Variants in AXL observed in about 807,000 individuals in gnomAD.
AXL encodes the protein tyrosine-protein kinase receptor UFO.
Under a neutral mutation model 104.5 loss-of-function variants are expected in AXL, and 52 were observed. The observed-to-expected ratio is 0.50, with a 90% CI of 0.40 to 0.63. The LOEUF (loss-of-function observed/expected upper bound fraction) is 0.63. Among genes scored for constraint, AXL ranks in the 20% least tolerant of loss-of-function variants. AXL has a pLI of 0.00. For missense variants in AXL, 1,024 were observed against 1,188.5 expected, an observed-to-expected ratio of 0.86 and a Z score of 2.04; for synonymous variants, 455 against 473.7, an observed-to-expected ratio of 0.96 and a Z score of 0.51.
intron 4 of AXL, among the ~76,000 whole-genome samples, chr19:41,226,261 G>A (rs2033878995): frequency 6.6e-6 from 1 of 152,160 alleles, no homozygotes; most frequent in African/African-American, 2.4e-5. Context: ...TCCAGCCCCA[G>A]GGCTTCTCCG....
At chr19:41,223,208 T>A (rs2033824049) in intron 4 of AXL, among the ~76,000 whole-genome samples, 2 of 151,672 alleles carry the variant, frequency 1.3e-5, no homozygotes, top group Admixed American at 6.6e-5. Flanking sequence ...GGCAGGAGAA[T>A]CGCTTGAACC....
chr19:41,230,932 C>T (rs745334892), intron 4 of AXL, 35 bp from the exon 5 acceptor site: 2 of 1,606,480 alleles, frequency 1.2e-6, no homozygotes, highest in East Asian at 2.2e-5. Context: ...CTGCCCCTCT[C>T]TGATATTGGA....
At chr19:41,233,181 G>T (rs1011421814) in intron 6 of AXL, among the ~76,000 whole-genome samples, 1 of 151,802 alleles carries the variant, frequency 6.6e-6, no homozygotes, top group Non-Finnish European at 1.5e-5. Context: ...GTAGAGACAG[G>T]GTTTCACCAT....
intron 6 of AXL, among the ~76,000 whole-genome samples, chr19:41,234,994 A>G (rs1204457872): frequency 6.6e-6 from 1 of 152,214 alleles, no homozygotes; most frequent in Non-Finnish European, 1.5e-5. Context: ...CTCGGGTGGA[A>G]TAGGTATGGG....
At chr19:41,245,604 C>T (rs1316494660) in intron 12 of AXL, among the ~76,000 whole-genome samples, 1 of 151,332 alleles carries the variant, frequency 6.6e-6, no homozygotes. Context: ...ATCCCAGCTA[C>T]TTGGGAGGCT....
At chr19:41,220,236 C>G (rs895451135) in intron 1 of AXL, among the ~76,000 whole-genome samples, 1 of 103,360 alleles carries the variant, frequency 9.7e-6, no homozygotes, top group Non-Finnish European at 2.1e-5. Context: ...CCGCCACCAC[C>G]CTTATCTCCC....
chr19:41,226,472 A>ACGGCCACCTAGGAAGC (rs1404417455), intron 4 of AXL, among the ~76,000 whole-genome samples: 6 of 152,134 alleles, frequency 3.9e-5, no homozygotes, highest in East Asian at 1.9e-4. Context: ...TTGTCTGGGA[A>ACGGCCACCTAGGAAGC]CGGCCACCTA....
Position 41,253,701 on chromosome 19 carries a change from A to T in AXL, c.2029A>T (p.Asn677Tyr). 12 of 1,609,092 alleles carry T rather than the reference A, an allele frequency of 7.5e-6. No homozygotes were observed. The highest frequency in any genetic ancestry group is 1.0e-5 in the Non-Finnish European group (12 of 1,177,804). ...RFIHRDLAAR[N>Y]CMLNENMSVC... ...CATACACCGGGACCTGGCGGCCAGG[A>T]ACTGCATGTGAGTGCCTTTCAGGGA... Residue 677 changes from asparagine to tyrosine, a missense_variant, in exon 17 of 20, where the codon AAC (asparagine) becomes TAC (tyrosine). Physicochemically the swap from Asn to Tyr is moderately radical, Grantham distance 143. Transcript: ENST00000301178.
Position 41,242,408 on chromosome 19 carries a change from C to T in AXL, c.1313-475C>T, listed in dbSNP as rs950312138. ...GCCCAGTCTCGGCTCACTGAAACCT[C>T]CACCTCCCAGGTTCAAGCAATTCTC... On this transcript the variant is annotated intron_variant, in intron 10 of 19. Coordinates refer to ENST00000301178, the MANE Select transcript of AXL (RefSeq NM_021913.5). Among the ~76,000 whole-genome samples the T allele has an allele frequency of 4.0e-5, 6 of 150,184 alleles. No homozygotes were observed. The South Asian group carries it at 6.4e-4, about 16-fold the overall frequency.
intron 16 of AXL, 123 bp downstream of exon 16, chr19:41,253,090 C>A: frequency 9.4e-7 from 1 of 1,064,920 alleles, no homozygotes. Flanking sequence ...GCATTTCTTC[C>A]AGCAGGGGAG....
intron 17 of AXL, among the ~76,000 whole-genome samples, chr19:41,255,764 G>A (rs375127746): frequency 6.4e-4 from 97 of 151,044 alleles, no homozygotes; most frequent in African/African-American, 2.2e-3. Flanking sequence ...TTTTTGAGAC[G>A]GAGTCTCACT....
chr19:41,238,816 T>C (rs577573986), intron 8 of AXL, among the ~76,000 whole-genome samples: 17 of 152,240 alleles, frequency 1.1e-4, no homozygotes, highest in East Asian at 3.9e-4. Context: ...TTTGAACCAC[T>C]GCAAAAGCAT....
intron 4 of AXL, among the ~76,000 whole-genome samples, chr19:41,230,102 T>C (rs1400378576): frequency 6.6e-6 from 1 of 152,012 alleles, no homozygotes; most frequent in East Asian, 1.9e-4. Context: ...AGTATCTAGG[T>C]GTACGAATCT....
intron 6 of AXL, among the ~76,000 whole-genome samples, chr19:41,232,854 T>C (rs2034014983): frequency 1.3e-5 from 2 of 152,058 alleles, no homozygotes; most frequent in South Asian, 2.1e-4. Flanking sequence ...TGCTCGTGTG[T>C]TTGTGAAGGA....
At chr19:41,230,891 G>A in intron 4 of AXL, 76 bp from the exon 5 acceptor site, 1 of 1,480,978 alleles carries the variant, frequency 6.8e-7, no homozygotes, top group Non-Finnish European at 9.4e-7. Flanking sequence ...GGCCATGGTA[G>A]GAGTGGCCCG....
chr19:41,245,320 A>G (rs556406888), intron 12 of AXL, among the ~76,000 whole-genome samples: 4 of 152,310 alleles, frequency 2.6e-5, no homozygotes, highest in African/African-American at 9.6e-5. Flanking sequence ...TGTACTCTAC[A>G]CCCTTATACT....
chr19:41,243,968 G>A, intron 12 of AXL: 1 of 368,036 alleles, frequency 2.7e-6, no homozygotes, highest in Non-Finnish European at 5.0e-6. Flanking sequence ...CGCTTCGGGG[G>A]GCCGAGGTGG....
intron 14 of AXL, among the ~76,000 whole-genome samples, chr19:41,251,814 G>A (rs1268873486): frequency 4.6e-5 from 7 of 151,848 alleles, no homozygotes. Context: ...GATTAAATGA[G>A]TTAATATATA....
chr19:41,231,165 T>A lies in AXL; in HGVS notation c.668-18T>A, dbSNP rs780952193. The A allele has an allele frequency of 6.2e-7, 1 of 1,609,918 alleles. No homozygotes were observed. Among genetic ancestry groups the A allele is most frequent in the Non-Finnish European group, 8.5e-7 (1 of 1,177,382 alleles). On this transcript the variant is annotated intron_variant, in intron 5 of 19. Transcript: ENST00000301178. ...GAGCAAAGGCTCCCCAGGGTCAATCTCTCCCGTTTGTCCACAGTGCTCCCC... is the reference window on the plus strand; with the variant it reads ...GAGCAAAGGCTCCCCAGGGTCAATCACTCCCGTTTGTCCACAGTGCTCCCC...
Sources: gnomAD v4.1 joint callset for allele counts (sites outside exome capture counted in the v4.1 genomes callset) on GRCh38, gnomAD v4.1.1 for gene constraint, MANE v1.5 for transcripts, NCBI Gene and HGNC (gene_info 2026-07-23, HGNC 2026-07-21) for gene names.